The following MBP variants were observed in gnomAD, a reference collection of about 807,000 sequenced individuals.
MBP encodes myelin basic protein, also known as Golli-MBP.
Under a neutral mutation model 35.8 loss-of-function variants are expected in MBP, and 16 were observed. The ratio of observed to expected loss-of-function variants is 0.45; its 90% CI spans 0.30 to 0.68. MBP has a LOEUF of 0.68. Ranked by LOEUF, MBP falls within the 30% of genes least tolerant of loss-of-function variation. The pLI is 0.08. For missense variants in MBP, 380 were observed against 404.7 expected (o/e 0.94, Z 0.52); for synonymous variants, 143 against 159.6 (o/e 0.90, Z 0.78).
At chr18:77,073,238 A>T (rs1198162428) in intron 2 of MBP, among the ~76,000 whole-genome samples, 1 of 152,190 alleles carries the variant, frequency 6.6e-6, no homozygotes, top group African/African-American at 2.4e-5. Flanking sequence ...ATATAAAAAG[A>T]CTAGATTATA....
intron 4 of MBP, among the ~76,000 whole-genome samples, chr18:76,995,800 C>G (rs1195010550): frequency 6.6e-6 from 1 of 151,928 alleles, no homozygotes; most frequent in East Asian, 1.9e-4. Context: ...GACCTGACAC[C>G]AAAACATCAT....
rs965125488 is a variant in MBP at position 77,020,253 on chromosome 18, G to T, written c.140-2985C>A. Among the ~76,000 whole-genome samples, 3 of 152,122 alleles carry T rather than the reference G, an allele frequency of 2.0e-5. No homozygotes were observed. The highest frequency in any genetic ancestry group is 4.8e-5 in the African/African-American group (2 of 41,424). The stretch of plus-strand genomic sequence containing the variant: ...AAAGAAAGGTCTCTGGCCTGGGGTG[G>T]GGGAGTGGGGAGAGTGGCTGCAGGT... On this transcript the variant is annotated intron_variant, in intron 3 of 8. Transcript: ENST00000355994. The surrounding 1 kb of genome is among the most constrained non-coding windows in gnomAD (Gnocchi z 4.1).
chr18:77,118,808 T>G (rs952273089), intron 1 of MBP, among the ~76,000 whole-genome samples: 1 of 127,808 alleles, frequency 7.8e-6, no homozygotes, highest in Admixed American at 7.8e-5. Context: ...CTACACACTA[T>G]ACGCACACCA....
chr18:76,985,622 C>T, intron 7 of MBP: 2 of 1,054,918 alleles, frequency 1.9e-6, no homozygotes, highest in East Asian at 8.5e-5. Flanking sequence ...GCCTGGCTGG[C>T]ACGGGGGGCG....
intron 1 of MBP, among the ~76,000 whole-genome samples, chr18:77,126,092 TACTGAA>T (rs1977039404): frequency 6.6e-6 from 1 of 152,190 alleles, no homozygotes. Flanking sequence ...GTTATCCTGA[TACTGAA>T]ACTAGCAAAG....
intron 2 of MBP, among the ~76,000 whole-genome samples, chr18:77,077,771 C>A (rs956492316): frequency 6.6e-6 from 1 of 152,210 alleles, no homozygotes; most frequent in African/African-American, 2.4e-5. Context: ...TTAGGGTAAT[C>A]CCAGAAAAAC....
intron 2 of MBP, among the ~76,000 whole-genome samples, chr18:77,082,977 ATT>A (rs11367089): frequency 2.0e-4 from 30 of 149,266 alleles, no homozygotes; most frequent in South Asian, 4.2e-4. Flanking sequence ...GGGATAGAGT[ATT>A]TTTTTTTTTT....
At chr18:77,001,503 G>A (rs1408460088) in intron 4 of MBP, among the ~76,000 whole-genome samples, 1 of 152,202 alleles carries the variant, frequency 6.6e-6, no homozygotes, top group Non-Finnish European at 1.5e-5. Context: ...GAATCCTTTT[G>A]GAGACACAAG....
chr18:77,082,647 G>A (rs1974999669), intron 2 of MBP, among the ~76,000 whole-genome samples: 1 of 113,096 alleles, frequency 8.8e-6, no homozygotes, highest in African/African-American at 3.2e-5. Flanking sequence ...TGCGGCTCAG[G>A]GAAGAACCAT....
At chr18:77,127,176 G>T (rs1977077712) in intron 1 of MBP, 1 of 152,204 alleles carries the variant, frequency 6.6e-6, no homozygotes, top group African/African-American at 2.4e-5. Context: ...TTGGCAGAGA[G>T]ACTGACATAT....
intron 4 of MBP, among the ~76,000 whole-genome samples, chr18:77,002,548 A>T (rs2123310386): frequency 6.9e-6 from 1 of 145,854 alleles, no homozygotes; most frequent in Non-Finnish European, 1.5e-5. Context: ...GAATAGAGAA[A>T]GCAAGGCGTC....
At chr18:77,029,353 T>C (rs1972441766) in intron 3 of MBP, among the ~76,000 whole-genome samples, 4 of 147,022 alleles carry the variant, frequency 2.7e-5, no homozygotes, top group Non-Finnish European at 6.0e-5. Context: ...TGAGCCGAGA[T>C]GGCAGCAGTA....
chr18:77,027,551 A>G (rs1243825249), intron 3 of MBP, among the ~76,000 whole-genome samples: 1 of 148,224 alleles, frequency 6.7e-6, no homozygotes, highest in Non-Finnish European at 1.5e-5. Flanking sequence ...CAGACCCCAC[A>G]GGCCCCTTGC....
chr18:77,008,335 G>A (rs1971116853), intron 4 of MBP, among the ~76,000 whole-genome samples: 1 of 152,126 alleles, frequency 6.6e-6, no homozygotes, highest in Admixed American at 6.5e-5. Flanking sequence ...CAGCCCCAGT[G>A]CACCCCAGAG....
chr18:77,079,513 C>T (rs540780264), intron 2 of MBP, among the ~76,000 whole-genome samples: 5 of 152,198 alleles, frequency 3.3e-5, no homozygotes, highest in East Asian at 3.9e-4. Flanking sequence ...AATGAGATTG[C>T]GCATATTTTC....
intron 2 of MBP, among the ~76,000 whole-genome samples, chr18:77,099,207 G>T (rs1026558701): frequency 6.6e-6 from 1 of 152,182 alleles, no homozygotes; most frequent in Non-Finnish European, 1.5e-5. Context: ...ACTGCATGAC[G>T]TACACTATAC....
chr18:77,107,940 T>C (rs1186527398), intron 1 of MBP, among the ~76,000 whole-genome samples: 1 of 152,186 alleles, frequency 6.6e-6, no homozygotes, highest in Non-Finnish European at 1.5e-5. Context: ...AAAATTTATA[T>C]ACTAGCAGGA....
intron 4 of MBP, among the ~76,000 whole-genome samples, chr18:77,010,458 C>G (rs1213017410): frequency 1.3e-5 from 2 of 152,184 alleles, no homozygotes; most frequent in African/African-American, 4.8e-5. Flanking sequence ...ATTGGATTTA[C>G]AGGTTGAAAC....
intron 3 of MBP, among the ~76,000 whole-genome samples, chr18:77,027,617 C>T (rs568891178): frequency 3.9e-5 from 6 of 152,346 alleles, no homozygotes; most frequent in South Asian, 2.1e-4. Flanking sequence ...AACTTCCCCA[C>T]AGAGGGGCTT....
Sources: allele counts gnomAD v4.1 joint callset (sites outside exome capture counted in the v4.1 genomes callset), GRCh38; gene constraint gnomAD v4.1.1; non-coding constraint Gnocchi (gnomAD v3.1); transcripts MANE v1.5; gene names NCBI Gene and HGNC (gene_info 2026-07-23, HGNC 2026-07-21).